The following FRAS1 variants were observed in gnomAD, a reference collection of about 807,000 sequenced individuals.
FRAS1 encodes the protein extracellular matrix organizing protein FRAS1.
Under a neutral mutation model 435.2 loss-of-function variants are expected in FRAS1, and 290 were observed. The ratio of observed to expected loss-of-function variants is 0.67; its 90% CI spans 0.61 to 0.73. The LOEUF is 0.73. Ranked by LOEUF, FRAS1 falls within the 30% of genes least tolerant of loss-of-function variation. The pLI is 0.00. For missense variants in FRAS1, 4,860 were observed against 5,001.5 expected (o/e 0.97, Z 0.85); for synonymous variants, 1,800 against 1,851.0 (o/e 0.97, Z 0.71).
At chr4:78,401,476 G>A (rs1196915349) in intron 30 of FRAS1, among the ~76,000 whole-genome samples, 2 of 152,178 alleles carry the variant, frequency 1.3e-5, no homozygotes, top group Non-Finnish European at 2.9e-5. Context: ...CAACAAAGAG[G>A]ACACTGAAGG....
At chr4:78,154,188 G>C (rs1720786204) in intron 2 of FRAS1, among the ~76,000 whole-genome samples, 1 of 151,956 alleles carries the variant, frequency 6.6e-6, no homozygotes, top group Non-Finnish European at 1.5e-5. Context: ...TTTATATTCA[G>C]AAATAACCCT....
intron 40 of FRAS1, among the ~76,000 whole-genome samples, chr4:78,439,315 A>G (rs1288936200): frequency 6.6e-6 from 1 of 152,226 alleles, no homozygotes; most frequent in Non-Finnish European, 1.5e-5. Flanking sequence ...CACCATGCTA[A>G]ATGTTGTTAG....
intron 2 of FRAS1, among the ~76,000 whole-genome samples, chr4:78,076,588 C>A (rs766027543): frequency 2.6e-5 from 4 of 152,070 alleles, no homozygotes; most frequent in Non-Finnish European, 5.9e-5. Flanking sequence ...TTGTTTGCTT[C>A]TAGGATTTTA....
At chr4:78,206,414 C>T (rs919166178) in intron 2 of FRAS1, among the ~76,000 whole-genome samples, 3 of 152,130 alleles carry the variant, frequency 2.0e-5, no homozygotes, top group African/African-American at 7.2e-5. Flanking sequence ...TTGACTTTAG[C>T]CCAGCTAAAC....
chr4:78,207,930 CAG>C (rs1723331516), intron 2 of FRAS1, among the ~76,000 whole-genome samples: 1 of 152,120 alleles, frequency 6.6e-6, no homozygotes, highest in South Asian at 2.1e-4. Context: ...CTTGGACAGA[CAG>C]AGCAGTGTGT....
chr4:78,112,000 G>GA lies in FRAS1; in HGVS notation c.108+45990dup, dbSNP rs561076938. On this transcript the variant is annotated intron_variant, in intron 2 of 73. Coordinates refer to ENST00000512123, the MANE Select transcript of FRAS1 (RefSeq NM_025074.7). ...AAGAATGTATGTTTTAAAAAATCCA[G>GA]AAAAAAGCAATTTTTGGAATCTTTG... is the stretch of plus-strand genomic sequence containing the variant. 1.1e-4 allele frequency among the ~76,000 whole-genome samples: 16 copies of GA among 152,152 alleles called. No homozygotes were observed. The East Asian group carries it at 2.9e-3, about 28-fold the overall frequency.
rs1210945225 is a variant in FRAS1, at chr4:78,201,846, A to C, written c.109-35664A>C. Among the ~76,000 whole-genome samples the C allele has an allele frequency of 2.0e-5, 3 of 152,124 alleles. No individual in the cohort carries two copies. In the East Asian group the frequency reaches 5.8e-4, roughly 29 times the overall value. ...AGGATTCAGTGTGAGTTGGGAGAAA[A>C]GGGGGAAGAAGAAAAGAAAATAAAT... On this transcript the variant is annotated intron_variant, in intron 2 of 73. Coordinates refer to ENST00000512123, the MANE Select transcript of FRAS1 (RefSeq NM_025074.7).
At chr4:78,529,242 G>A (rs541701758) in intron 70 of FRAS1, among the ~76,000 whole-genome samples, 1 of 152,184 alleles carries the variant, frequency 6.6e-6, no homozygotes, top group South Asian at 2.1e-4. Context: ...AAGGTGACCA[G>A]GAAAATGGTA....
chr4:78,450,460 C>A, intron 45 of FRAS1, 121 bp downstream of exon 45: 1 of 761,290 alleles, frequency 1.3e-6, no homozygotes, highest in Non-Finnish European at 2.2e-6. Flanking sequence ...TGAGGAGCTT[C>A]ATTTGTTCTC....
chr4:78,449,612 C>T (rs1273688052), intron 44 of FRAS1, among the ~76,000 whole-genome samples: 1 of 152,128 alleles, frequency 6.6e-6, no homozygotes, highest in Non-Finnish European at 1.5e-5. Context: ...TCTTCATCCC[C>T]AACACCTGCG....
chr4:78,225,253 G>A (rs1175758341), intron 2 of FRAS1, among the ~76,000 whole-genome samples: 2 of 152,148 alleles, frequency 1.3e-5, no homozygotes, highest in Admixed American at 1.3e-4. Flanking sequence ...AGAAAATGGA[G>A]GCTTGGTCAA....
Position 78,513,497 on chromosome 4 carries a change from AC to A in FRAS1, c.10120del (p.His3374ThrfsTer8). The A allele has an allele frequency of 6.2e-7, 1 of 1,613,912 alleles. No individual in the cohort carries two copies. Among genetic ancestry groups the A allele is most frequent in the South Asian group, 1.1e-5 (1 of 91,076 alleles). On this transcript the variant is annotated frameshift_variant, in exon 65 of 74. Coordinates refer to ENST00000512123, the MANE Select transcript of FRAS1 (RefSeq NM_025074.7). LOFTEE classifies it high-confidence loss of function. ...TTCTACTGTCTGAGTCCATCTACAG[AC>A]ACCAGCACGTCTGCTCCAATTTAGT... ...HFLLSESIYR[H>X]QHVCSNLVTT... is the part of the protein sequence containing the mutation.
Position 78,226,710 on chromosome 4 carries a change from T to A in FRAS1, c.109-10800T>A, listed in dbSNP as rs925446123. ...CAATATTCATAGCAATTCTTGAATT[T>A]GTGGCTTGGTATTTTTCTTCAGTTT... On this transcript the variant is annotated intron_variant, in intron 2 of 73. Transcript: ENST00000512123. Among the ~76,000 whole-genome samples the A allele has an allele frequency of 2.6e-5, 4 of 152,258 alleles. No homozygotes were observed. In the South Asian group the frequency reaches 8.3e-4, roughly 32 times the overall value.
intron 2 of FRAS1, among the ~76,000 whole-genome samples, chr4:78,098,238 A>C (rs1181164228): frequency 3.4e-5 from 5 of 146,300 alleles, no homozygotes; most frequent in Admixed American, 2.7e-4. Context: ...TCCCACTGTG[A>C]CCCTCCTCTT....
At chr4:78,252,369 T>TTTTCTG (rs1312207616) in intron 4 of FRAS1, 23 bp from the exon 5 acceptor site, 2 of 1,601,478 alleles carry the variant, frequency 1.2e-6, no homozygotes, top group Non-Finnish European at 1.7e-6. Context: ...ACCTTTTTTT[T>TTTTCTG]TTTCTGTCTC....
intron 59 of FRAS1, among the ~76,000 whole-genome samples, 186 bp from the exon 60 acceptor site, chr4:78,496,619 A>AGGTG (rs34024062): frequency 6.6e-6 from 1 of 152,240 alleles, no homozygotes; most frequent in African/African-American, 2.4e-5. Flanking sequence ...CTCCACATAT[A>AGGTG]GGTGGGTCCC....
At chr4:78,174,448 C>T (rs1013689332) in intron 2 of FRAS1, among the ~76,000 whole-genome samples, 2 of 152,158 alleles carry the variant, frequency 1.3e-5, no homozygotes, top group Non-Finnish European at 2.9e-5. Flanking sequence ...GATGGCAGTG[C>T]AAATACAAGC....
intron 18 of FRAS1, among the ~76,000 whole-genome samples, chr4:78,330,845 A>C (rs1182622984): frequency 6.6e-6 from 1 of 152,120 alleles, no homozygotes; most frequent in East Asian, 1.9e-4. Context: ...CCCTGCCTCC[A>C]CTTGCCTTGT....
At chr4:78,304,473 C>T (rs1178077053) in intron 14 of FRAS1, among the ~76,000 whole-genome samples, 6 of 152,144 alleles carry the variant, frequency 3.9e-5, no homozygotes, top group East Asian at 3.8e-4. Flanking sequence ...TGGTAGCATT[C>T]GGCTGTGAAT....
Sources: allele counts gnomAD v4.1 joint callset (sites outside exome capture counted in the v4.1 genomes callset), GRCh38; gene constraint gnomAD v4.1.1; transcripts MANE v1.5; gene names NCBI Gene and HGNC (gene_info 2026-07-23, HGNC 2026-07-21).